Variants in IL12RB2 observed in about 807,000 individuals in gnomAD.
The protein encoded by IL12RB2 is interleukin 12 receptor subunit beta 2.
In IL12RB2, 82 loss-of-function variants were observed where a neutral mutation model predicts 89.4. The observed-to-expected ratio is 0.92, with a 90% CI of 0.77 to 1.10. The LOEUF (loss-of-function observed/expected upper bound fraction) is 1.10, where lower values mean the gene tolerates loss of function less well. Ranked by LOEUF, IL12RB2 falls within the 50% of genes least tolerant of loss-of-function variation. The pLI is 0.00. For missense variants in IL12RB2, 963 were observed against 1,031.9 expected, an observed-to-expected ratio of 0.93 and a Z score of 0.92; for synonymous variants, 368 against 370.1, an observed-to-expected ratio of 0.99 and a Z score of 0.07.
At chr1:67,392,338 C>G (rs912260463) in intron 16 of IL12RB2, among the ~76,000 whole-genome samples, 1 of 151,858 alleles carries the variant, frequency 6.6e-6, no homozygotes, top group Non-Finnish European at 1.5e-5. Flanking sequence ...GGGTATTAGG[C>G]AAAAACTAAA....
At chr1:67,354,060 A>C (rs1011673775) in intron 10 of IL12RB2, among the ~76,000 whole-genome samples, 1 of 152,208 alleles carries the variant, frequency 6.6e-6, no homozygotes, top group African/African-American at 2.4e-5. Flanking sequence ...TCCTCAACTT[A>C]TATTTAGCCA....
intron 1 of IL12RB2, among the ~76,000 whole-genome samples, chr1:67,313,128 C>G (rs1272773447): frequency 6.6e-6 from 1 of 152,160 alleles, no homozygotes; most frequent in Non-Finnish European, 1.5e-5. Context: ...TTTTCATGAC[C>G]ATAACTCAGG....
chr1:67,353,296 G>A (rs1207715171), intron 10 of IL12RB2, among the ~76,000 whole-genome samples: 11 of 152,118 alleles, frequency 7.2e-5, no homozygotes, highest in Non-Finnish European at 1.2e-4. Context: ...TACAACTAGC[G>A]CGTGTCTCAC....
At chr1:67,383,344 T>C (rs1664804904) in intron 14 of IL12RB2, among the ~76,000 whole-genome samples, 1 of 152,178 alleles carries the variant, frequency 6.6e-6, no homozygotes, top group African/African-American at 2.4e-5. Flanking sequence ...CAATTCAAGA[T>C]AAGATTTGGG....
At chr1:67,335,740 T>C (rs1658680518) in intron 8 of IL12RB2, among the ~76,000 whole-genome samples, 1 of 152,196 alleles carries the variant, frequency 6.6e-6, no homozygotes, top group South Asian at 2.1e-4. Flanking sequence ...TCAAAGATTC[T>C]CCTCCCTATT....
intron 3 of IL12RB2, 145 bp downstream of exon 3, chr1:67,320,589 G>C: frequency 7.3e-7 from 1 of 1,378,918 alleles, no homozygotes; most frequent in Non-Finnish European, 9.9e-7. Flanking sequence ...GTCTGGTTCT[G>C]TCTATAACTA....
intron 3 of IL12RB2, 71 bp from the exon 4 acceptor site, chr1:67,321,531 T>C: frequency 1.0e-6 from 1 of 974,986 alleles, no homozygotes; most frequent in Non-Finnish European, 1.7e-6. Context: ...TTTTGGGGAA[T>C]TACATAAACT....
At chr1:67,312,207 A>G (rs1028556745) in intron 1 of IL12RB2, among the ~76,000 whole-genome samples, 10 of 152,216 alleles carry the variant, frequency 6.6e-5, no homozygotes, top group Non-Finnish European at 1.5e-4. Context: ...TTTCCAGCAC[A>G]TCATCCTTCC....
chr1:67,356,350 A>G (rs1260997283), intron 10 of IL12RB2, among the ~76,000 whole-genome samples: 1 of 152,156 alleles, frequency 6.6e-6, no homozygotes, highest in Non-Finnish European at 1.5e-5. Flanking sequence ...CTGCCCAGGA[A>G]TCTCTATGAT....
In IL12RB2 at chr1:67,367,297, A is replaced by AGGT. The variant is rs1662778223; in HGVS notation, c.1259-525_1259-523dup. ...GTGGTCTCAGCTACTCAGGAGGCTA[A>AGGT]GGTGGGAGGATCACTTGAATCTGGG... is the stretch of plus-strand genomic sequence containing the variant. On this transcript the variant is annotated intron_variant, in intron 10 of 16. Transcript: ENST00000674203. Among the ~76,000 whole-genome samples the AGGT allele has an allele frequency of 3.9e-5, 6 of 152,174 alleles. No homozygotes were observed. In the South Asian group the frequency reaches 1.3e-3, roughly 32 times the overall value.
chr1:67,367,566 TAAAG>T (rs1662845371), intron 10 of IL12RB2, among the ~76,000 whole-genome samples: 1 of 150,736 alleles, frequency 6.6e-6, no homozygotes, highest in African/African-American at 2.4e-5. Flanking sequence ...GAAGGAAAAG[TAAAG>T]AAAGAGAAAG....
chr1:67,362,478 A>G (rs1391933388), intron 10 of IL12RB2, among the ~76,000 whole-genome samples: 1 of 147,224 alleles, frequency 6.8e-6, no homozygotes, highest in Non-Finnish European at 1.5e-5. Context: ...AGGCAGGAGA[A>G]TGGCGTGAAC....
intron 14 of IL12RB2, among the ~76,000 whole-genome samples, chr1:67,384,061 G>A (rs1664881320): frequency 6.6e-6 from 1 of 152,228 alleles, no homozygotes; most frequent in African/African-American, 2.4e-5. Context: ...GAGGACAGTG[G>A]CCCTCTTTTC....
At chr1:67,330,991 ATGTT>A (rs1235947006) in intron 8 of IL12RB2, among the ~76,000 whole-genome samples, 181 bp downstream of exon 8, 1 of 152,196 alleles carries the variant, frequency 6.6e-6, no homozygotes, top group African/African-American at 2.4e-5. Context: ...TCAAGGAAAT[ATGTT>A]TGTGTTGCAA....
At chr1:67,350,667 G>A (rs780803021) in intron 9 of IL12RB2, among the ~76,000 whole-genome samples, 2 of 152,126 alleles carry the variant, frequency 1.3e-5, no homozygotes, top group East Asian at 1.9e-4. Flanking sequence ...TTTTAAAAAC[G>A]TTAACTGATT....
chr1:67,361,020 A>G (rs868447848), intron 10 of IL12RB2, among the ~76,000 whole-genome samples: 4 of 151,932 alleles, frequency 2.6e-5, no homozygotes, highest in Middle Eastern at 3.4e-3. Flanking sequence ...AAAATACCCA[A>G]CTCGAGCCCA....
chr1:67,346,127 T>G (rs1461204724), intron 9 of IL12RB2, among the ~76,000 whole-genome samples: 1 of 152,190 alleles, frequency 6.6e-6, no homozygotes, highest in Non-Finnish European at 1.5e-5. Flanking sequence ...CACCTGGGTT[T>G]GAGTTCCAGC....
In IL12RB2 at chr1:67,338,655, G is replaced by A; in HGVS notation, c.990G>A (p.Met330Ile). 1.3e-6 allele frequency: 2 copies of A among 1,561,414 alleles called. No homozygotes were observed. The highest frequency in any genetic ancestry group is 1.8e-6 in the Non-Finnish European group (2 of 1,131,910). The change falls in exon 9 of 17, where the codon ATG becomes ATA. Residue 330 changes from methionine to isoleucine, a missense_variant. Physicochemically the swap from Met to Ile is conservative, Grantham distance 10. Coordinates refer to ENST00000674203, the MANE Select transcript of IL12RB2 (RefSeq NM_001374259.2). ...EPTGMLDVWY[M>I]KRHIDYSRQQ... The stretch of plus-strand genomic sequence containing the variant: ...CTGGGATGTTAGATGTCTGGTACAT[G>A]AAACGGCACATTGACTACAGTAGAC...
chr1:67,325,624 T>C (rs938525275), intron 4 of IL12RB2, among the ~76,000 whole-genome samples: 1 of 152,256 alleles, frequency 6.6e-6, no homozygotes, highest in Admixed American at 6.5e-5. Flanking sequence ...CTAGATATCA[T>C]TATACCCATT....
Sources: allele counts gnomAD v4.1 joint callset (sites outside exome capture counted in the v4.1 genomes callset), GRCh38; gene constraint gnomAD v4.1.1; transcripts MANE v1.5; gene names NCBI Gene and HGNC (gene_info 2026-07-23, HGNC 2026-07-21).